The following KIFC3 variants were observed in gnomAD, a reference collection of about 807,000 sequenced individuals.
KIFC3 encodes kinesin-like protein KIFC3.
Under a neutral mutation model 101.8 loss-of-function variants are expected in KIFC3, and 60 were observed. The ratio of observed to expected loss-of-function variants is 0.59; its 90% CI spans 0.48 to 0.73. The LOEUF (loss-of-function observed/expected upper bound fraction) is 0.73. KIFC3 is among the 30% of genes least tolerant of loss of function. The probability of loss-of-function intolerance (pLI) is 0.00; values close to 1 mark genes in which losing one functional copy is unlikely to be tolerated. For missense variants in KIFC3, 966 were observed against 1,137.1 expected, an observed-to-expected ratio of 0.85 and a Z score of 2.16; for synonymous variants, 476 against 482.7, an observed-to-expected ratio of 0.99 and a Z score of 0.18.
chr16:57,822,661 C>CA (rs1330306600), intron 1 of KIFC3, among the ~76,000 whole-genome samples: 1 of 152,074 alleles, frequency 6.6e-6, no homozygotes, highest in Non-Finnish European at 1.5e-5. Flanking sequence ...CACACCATTG[C>CA]ACTCCAGCCT....
chr16:57,773,104 C>G lies in KIFC3; in HGVS notation c.316-816G>C, dbSNP rs548450142. ...ACCCCCAGAAACCTCTCTCAGGAAA[C>G]AATTCACAGACACAGACTTTGGCTC... On this transcript the variant is annotated intron_variant, in intron 3 of 19. Coordinates refer to ENST00000445690, the MANE Select transcript of KIFC3 (RefSeq NM_001130100.2). 4.5e-3 allele frequency among the ~76,000 whole-genome samples: 690 copies of G among 152,356 alleles called. 5 individuals are homozygous for G. The highest frequency in any genetic ancestry group is 0.016 in the African/African-American group (670 of 41,588).
rs150932878 is a variant in KIFC3 at position 57,759,820 on chromosome 16, T to A, written c.2384A>T (p.Gln795Leu). 179 of 1,608,800 alleles carry A rather than the reference T, an allele frequency of 1.1e-4. No individual in the cohort carries two copies. The African/African-American group carries it at 1.7e-3, about 15-fold the overall frequency. Residue 795 changes from glutamine (Q) to leucine (L), a missense_variant, in exon 18 of 20, where the codon CAG becomes CTG. Gln to Leu is a moderately radical substitution (Grantham distance 113, BLOSUM62 -2). Around this residue, in one of 2 missense-constraint regions of KIFC3, gnomAD observed 689 missense variants for 884.6 expected, o/e 0.78. Transcript: ENST00000445690. Reference sequence around the variant, plus strand: ...GGCCCGTGCCGAGGGCTGTGGCGTCTGACAAGCCGGCTCCCACTGTGAGCA... The same window carrying A: ...GGCCCGTGCCGAGGGCTGTGGCGTCAGACAAGCCGGCTCCCACTGTGAGCA... The part of the protein sequence containing the change: ...QEHLEWEPAC[Q>L]TPQPSARAHS...
At chr16:57,830,758 A>C (rs1555479182) in intron 1 of KIFC3, 2 of 152,224 alleles carry the variant, frequency 1.3e-5, no homozygotes, top group African/African-American at 4.8e-5. Flanking sequence ...CAAGGAGTAA[A>C]AGCCAGAAGA....
chr16:57,803,450 C>G (rs1384053732), upstream of KIFC3: 6 of 475,430 alleles, frequency 1.3e-5, no homozygotes, highest in Non-Finnish European at 2.5e-5. Context: ...GCTGACGGTT[C>G]TGCAGATAAT....
At chr16:57,807,139 C>T (rs1296502586), upstream of KIFC3, among the ~76,000 whole-genome samples, 1 of 152,056 alleles carries the variant, frequency 6.6e-6, no homozygotes, top group African/African-American at 2.4e-5. Context: ...ATTGCTTGAA[C>T]CCAGGAGGTG....
At chr16:57,795,396 C>T (rs1025151953) in intron 2 of KIFC3, among the ~76,000 whole-genome samples, 18 of 152,230 alleles carry the variant, frequency 1.2e-4, no homozygotes, top group African/African-American at 4.3e-4. Flanking sequence ...CCCAATACCC[C>T]ACCGGAGGCT....
At chr16:57,783,034 G>A (rs764693682) in intron 3 of KIFC3, among the ~76,000 whole-genome samples, 1 of 152,224 alleles carries the variant, frequency 6.6e-6, no homozygotes, top group African/African-American at 2.4e-5. Flanking sequence ...TTGTGGGAGT[G>A]GGGTAAGCTC....
chr16:57,821,040 G>A (rs2055339412), intron 1 of KIFC3, among the ~76,000 whole-genome samples: 2 of 152,060 alleles, frequency 1.3e-5, no homozygotes, highest in African/African-American at 4.8e-5. Context: ...ACTGAGGCAG[G>A]AGGATCCCTT....
At chr16:57,860,418 A>C (rs1196728425) in intron 1 of KIFC3, among the ~76,000 whole-genome samples, 1 of 152,338 alleles carries the variant, frequency 6.6e-6, no homozygotes, top group East Asian at 1.9e-4. Flanking sequence ...CATGCATTGC[A>C]CTCCAGCCTG....
At chr16:57,844,161 G>A (rs1475919250) in intron 1 of KIFC3, among the ~76,000 whole-genome samples, 4 of 151,712 alleles carry the variant, frequency 2.6e-5, no homozygotes, top group African/African-American at 4.8e-5. Context: ...GGCTGGACGC[G>A]GTGGCTCATG....
upstream of KIFC3, chr16:57,802,499 A>C (rs1296452020): frequency 1.0e-6 from 1 of 983,616 alleles, no homozygotes; most frequent in Non-Finnish European, 1.2e-6. The surrounding 1 kb of genome is among the most constrained non-coding windows in gnomAD (Gnocchi z 5.0). Context: ...CCTCCCGCAC[A>C]CTTTCCACAG....
At chr16:57,762,422 C>T (rs1439745453) in intron 12 of KIFC3, 152 bp from the exon 13 acceptor site, 4 of 765,334 alleles carry the variant, frequency 5.2e-6, no homozygotes, top group East Asian at 5.6e-5. Flanking sequence ...AAAATGCCCT[C>T]CACCAGCTGC....
At chr16:57,862,351 C>T (rs775245742) in intron 1 of KIFC3, among the ~76,000 whole-genome samples, 63 of 151,908 alleles carry the variant, frequency 4.1e-4, no homozygotes, top group Non-Finnish European at 7.8e-4. Flanking sequence ...CTTAGAACAT[C>T]GTGCAACTTA....
intron 3 of KIFC3, among the ~76,000 whole-genome samples, chr16:57,792,424 G>T (rs544495221): frequency 6.6e-6 from 1 of 152,304 alleles, no homozygotes; most frequent in South Asian, 2.1e-4. Flanking sequence ...TTGAACAAAT[G>T]CATTAATTAA....
At chr16:57,815,773 G>A (rs2149267801) in intron 1 of KIFC3, 1 of 667,584 alleles carries the variant, frequency 1.5e-6, no homozygotes, top group South Asian at 1.6e-5. Context: ...CTGGGTCCTT[G>A]GGATCACCAA....
intron 1 of KIFC3, among the ~76,000 whole-genome samples, chr16:57,832,594 C>T (rs1186761986): frequency 3.3e-5 from 5 of 152,008 alleles, no homozygotes; most frequent in South Asian, 2.1e-4. Context: ...AGATTATAGA[C>T]GTGAGCCACC....
At chr16:57,793,991 T>C (rs1183845066) in intron 3 of KIFC3, among the ~76,000 whole-genome samples, 1 of 152,226 alleles carries the variant, frequency 6.6e-6, no homozygotes, top group Non-Finnish European at 1.5e-5. Context: ...TTGTGTTGAA[T>C]GGTCGAATAT....
intron 1 of KIFC3, among the ~76,000 whole-genome samples, chr16:57,827,327 G>A (rs2055479897): frequency 6.6e-6 from 1 of 152,236 alleles, no homozygotes; most frequent in African/African-American, 2.4e-5. Flanking sequence ...TACGTCCAAG[G>A]CCACTGCCGG....
chr16:57,759,407 A>AG (rs1483250810), intron 18 of KIFC3: 1 of 595,844 alleles, frequency 1.7e-6, no homozygotes, highest in Non-Finnish European at 3.0e-6. Context: ...GCTGCTCTGG[A>AG]GGGGGCTTAC....
Sources: gnomAD v4.1 joint callset for allele counts (sites outside exome capture counted in the v4.1 genomes callset) on GRCh38, gnomAD v4.1.1 for gene constraint, gnomAD v4.1.1 regional missense constraint, Gnocchi (gnomAD v3.1) non-coding constraint, MANE v1.5 for transcripts, NCBI Gene and HGNC (gene_info 2026-07-23, HGNC 2026-07-21) for gene names.